MAS1: variants seen among roughly 807,000 people sequenced by gnomAD.
MAS1 encodes proto-oncogene Mas.
For missense variants in MAS1, 387 were observed against 409.7 expected (o/e 0.94, Z 0.48); for synonymous variants, 163 against 164.2 (o/e 0.99, Z 0.05).
chr6:159,895,397 C>A (rs1292329490), intron 1 of MAS1, among the ~76,000 whole-genome samples: 2 of 152,102 alleles, frequency 1.3e-5, no homozygotes, highest in East Asian at 3.9e-4. Context: ...TCTGACTTTA[C>A]CAATAAGAAA....
At chr6:159,891,884 G>A (rs979337895) in intron 1 of MAS1, among the ~76,000 whole-genome samples, 2 of 152,156 alleles carry the variant, frequency 1.3e-5, no homozygotes, top group African/African-American at 2.4e-5. Context: ...CACGGCCTCG[G>A]CACTACTGGC....
upstream of MAS1, among the ~76,000 whole-genome samples, chr6:159,890,010 C>T (rs1287407586): frequency 1.3e-5 from 2 of 152,238 alleles, no homozygotes; most frequent in South Asian, 4.1e-4. Context: ...TATAGTTGGT[C>T]CCCGAGGTTC....
intron 1 of MAS1, among the ~76,000 whole-genome samples, chr6:159,891,397 G>A (rs543215407): frequency 1.3e-5 from 2 of 152,262 alleles, no homozygotes; most frequent in South Asian, 2.1e-4. Context: ...TTGAAACTTC[G>A]CAGTAGCGTT....
At position 159,908,111 on chromosome 6, in the gene MAS1, T is replaced by G; in HGVS notation, c.*178T>G. 1 of 589,774 alleles carries G rather than the reference T, an allele frequency of 1.7e-6. No individual in the cohort carries two copies. The highest frequency in any genetic ancestry group is 2.7e-6 in the Non-Finnish European group (1 of 366,302). 36.5% of individuals were successfully genotyped at this position (589,774 alleles called of 1,614,324 possible). ...TGTACTGTATCTTCTGGAAATGACC[T>G]GTCATTTCTGTACTTGACAAAGACT... On this transcript the variant is annotated 3_prime_UTR_variant, in exon 3 of 3. Coordinates refer to ENST00000674077, the MANE Select transcript of MAS1 (RefSeq NM_002377.4).
At chr6:159,897,994 G>A (rs1428599921) in intron 1 of MAS1, among the ~76,000 whole-genome samples, 1 of 152,062 alleles carries the variant, frequency 6.6e-6, no homozygotes, top group African/African-American at 2.4e-5. Context: ...CGGGGTTCAA[G>A]TGGTTCTCCT....
intron 2 of MAS1, among the ~76,000 whole-genome samples, chr6:159,906,457 G>A (rs763424242): frequency 5.3e-5 from 8 of 152,240 alleles, no homozygotes; most frequent in Non-Finnish European, 8.8e-5. Flanking sequence ...GACAGTGGCA[G>A]CATTGCCCAG....
Position 159,894,932 on chromosome 6 carries a change from TATGG to T in MAS1, c.-244+3800_-244+3803del, listed in dbSNP as rs549209623. ...TCCTGTGTGTTTGTGTTGTTTTGGT[TATGG>T]GTTTGGTATTGGGTAGGTGGTGCTT... On this transcript the variant is annotated intron_variant, in intron 1 of 2. Coordinates refer to ENST00000674077, the MANE Select transcript of MAS1 (RefSeq NM_002377.4). Among the ~76,000 whole-genome samples the T allele has an allele frequency of 7.7e-4, 118 of 152,360 alleles. 1 individual carries two copies. Among genetic ancestry groups the T allele is most frequent in the African/African-American group, 2.7e-3 (113 of 41,588 alleles).
At chr6:159,894,204 T>C (rs1315485277) in intron 1 of MAS1, among the ~76,000 whole-genome samples, 1 of 150,940 alleles carries the variant, frequency 6.6e-6, no homozygotes, top group South Asian at 2.1e-4. Flanking sequence ...GGGAAGAGGG[T>C]CGAGAACGGA....
At position 159,893,980 on chromosome 6, in the gene MAS1, C is replaced by T. The variant is rs374597003; in HGVS notation, c.-244+2847C>T. Among the ~76,000 whole-genome samples, 11 of 151,962 alleles carry T rather than the reference C, an allele frequency of 7.2e-5. No homozygotes were observed. In the South Asian group the frequency reaches 8.3e-4, roughly 12 times the overall value. On this transcript the variant is annotated intron_variant, in intron 1 of 2. Coordinates refer to ENST00000674077, the MANE Select transcript of MAS1 (RefSeq NM_002377.4). ...GCATATTGGAGGAAGTGTGGACCAGCGGGGAAGGTTGGATTGCTGTTTTGG... is the reference window on the plus strand; with the variant it reads ...GCATATTGGAGGAAGTGTGGACCAGTGGGGAAGGTTGGATTGCTGTTTTGG...
In MAS1 at chr6:159,899,239, A is replaced by C; in HGVS notation, c.-190A>C. 6.6e-6 allele frequency: 1 copy of C among 152,412 alleles called. No individual in the cohort carries two copies. The highest frequency in any genetic ancestry group is 6.5e-5 in the Admixed American group (1 of 15,290). The allele number at this position is 152,412 out of a possible 1,614,324, so 9.4% of individuals were successfully genotyped here. A position where few individuals can be genotyped will look rare whatever the true frequency, so the allele number is the denominator to read the frequency against. ...AGGGAAGATGCTCTGTGATGCTGCCAGTAATGCTGACCAGTCGTGGTGCTG... is the reference window on the plus strand; with the variant it reads ...AGGGAAGATGCTCTGTGATGCTGCCCGTAATGCTGACCAGTCGTGGTGCTG... On this transcript the variant is annotated 5_prime_UTR_variant, in exon 2 of 3. Coordinates refer to ENST00000674077, the MANE Select transcript of MAS1 (RefSeq NM_002377.4).
In MAS1 at chr6:159,913,092, G is replaced by GT. The variant is rs1438500788; in HGVS notation, c.*5160dup. 1.3e-5 allele frequency: 2 copies of GT among 152,220 alleles called. No individual in the cohort carries two copies. Among genetic ancestry groups the GT allele is most frequent in the Non-Finnish European group, 2.9e-5 (2 of 68,052 alleles). The allele number at this position is 152,220 out of a possible 1,614,324, so 9.4% of individuals were successfully genotyped here. On this transcript the variant is annotated 3_prime_UTR_variant, in exon 3 of 3. Transcript: ENST00000674077. The stretch of plus-strand genomic sequence containing the variant: ...AAGACAGAAAAATTGGCTGGGTACG[G>GT]TGGCTCATGCCTGTAATCCCAGCAC...
intron 2 of MAS1, among the ~76,000 whole-genome samples, chr6:159,901,019 C>T (rs1038094941): frequency 4.6e-5 from 7 of 152,150 alleles, no homozygotes; most frequent in Admixed American, 2.6e-4. Flanking sequence ...GATCGAGGCA[C>T]CGTCAGGGCT....
In MAS1 at chr6:159,908,061, C is replaced by A; in HGVS notation, c.*128C>A. ...CATCTCATCCCATATGCATGAGATA[C>A]TAATTAATGATGAAATTGAACTCTT... On this transcript the variant is annotated 3_prime_UTR_variant, in exon 3 of 3. Transcript: ENST00000674077. The A allele has an allele frequency of 9.9e-7, 1 of 1,012,660 alleles. No individual in the cohort carries two copies. Among genetic ancestry groups the A allele is most frequent in the Non-Finnish European group, 1.4e-6 (1 of 709,432 alleles). 62.7% of individuals were successfully genotyped at this position (1,012,660 alleles called of 1,614,324 possible).
intron 1 of MAS1, among the ~76,000 whole-genome samples, chr6:159,893,158 C>A (rs1782719370): frequency 6.6e-6 from 1 of 152,234 alleles, no homozygotes; most frequent in Non-Finnish European, 1.5e-5. Flanking sequence ...GGTGTTAAGT[C>A]CTACTTTCCA....
intron 1 of MAS1, among the ~76,000 whole-genome samples, chr6:159,893,592 C>G (rs2115106674): frequency 6.6e-6 from 1 of 152,074 alleles, no homozygotes; most frequent in East Asian, 1.9e-4. Context: ...GGAGAAAACT[C>G]AAATGAATTC....
In MAS1 at chr6:159,916,222, A is replaced by C. The variant is rs1783021235; in HGVS notation, c.*8289A>C. 1 of 152,244 alleles carries C rather than the reference A, an allele frequency of 6.6e-6. No individual in the cohort carries two copies. Among genetic ancestry groups the C allele is most frequent in the Non-Finnish European group, 1.5e-5 (1 of 68,050 alleles). The allele number at this position is 152,244 out of a possible 1,614,324, so 9.4% of individuals were successfully genotyped here. A position where few individuals can be genotyped will look rare whatever the true frequency, so the allele number is the denominator to read the frequency against. The stretch of plus-strand genomic sequence containing the variant: ...TAGTTATTTCTTGAGGACGTTATGT[A>C]AAGTGATATAAGCCAGGCCCGGAAG... On this transcript the variant is annotated 3_prime_UTR_variant, in exon 3 of 3. Transcript: ENST00000674077.
In MAS1 at chr6:159,910,315, GAA is replaced by G. The variant is rs1195765716; in HGVS notation, c.*2384_*2385del. The stretch of plus-strand genomic sequence containing the variant: ...GGAAGCCGCTGTCTATGTCATAGGA[GAA>G]AGAGACACCGCATAACTACAACACC... On this transcript the variant is annotated 3_prime_UTR_variant, in exon 3 of 3. Transcript: ENST00000674077. The G allele has an allele frequency of 1.3e-5, 2 of 152,254 alleles. No individual in the cohort carries two copies. Among genetic ancestry groups the G allele is most frequent in the Admixed American group, 1.3e-4 (2 of 15,290 alleles). 9.4% of individuals were successfully genotyped at this position (152,254 alleles called of 1,614,324 possible).
intron 1 of MAS1, among the ~76,000 whole-genome samples, chr6:159,894,070 T>C (rs893122155): frequency 2.6e-5 from 4 of 152,048 alleles, no homozygotes; most frequent in Middle Eastern, 6.3e-3. Flanking sequence ...TTTGGGTATA[T>C]GGGTCTGACA....
In MAS1 at chr6:159,907,167, CCCACCTGTCTATCG is replaced by C; in HGVS notation, c.214_227del (p.His72ArgfsTer20). On this transcript the variant is annotated frameshift_variant, in exon 3 of 3. Coordinates refer to ENST00000674077, the MANE Select transcript of MAS1 (RefSeq NM_002377.4). LOFTEE classifies it low-confidence loss of function (END_TRUNC). ...AGAAATCCCTTCACTGTCTACATCA[CCCACCTGTCTATCG>C]CAGACATCTCACTGCTCTTCTGTAT... 6.2e-7 allele frequency: 1 copy of C among 1,614,232 alleles called. No homozygotes were observed. Among genetic ancestry groups the C allele is most frequent in the Non-Finnish European group, 8.5e-7 (1 of 1,180,032 alleles).
Sources: gnomAD v4.1 joint callset for allele counts (sites outside exome capture counted in the v4.1 genomes callset) on GRCh38, gnomAD v4.1.1 for gene constraint, MANE v1.5 for transcripts, NCBI Gene and HGNC (gene_info 2026-07-23, HGNC 2026-07-21) for gene names.